Variants in PHACTR2 observed in about 807,000 individuals in gnomAD.
PHACTR2 encodes chromosome 6 open reading frame 56.
In PHACTR2, 30 loss-of-function variants were observed where a neutral mutation model predicts 76.0. That is an observed-to-expected ratio of 0.39 (90% CI 0.30 to 0.54). The LOEUF is 0.54. Among genes scored for constraint, PHACTR2 ranks in the 20% least tolerant of loss-of-function variants. The pLI, the probability that PHACTR2 is intolerant of heterozygous loss-of-function variation, is 0.61. For synonymous variants in PHACTR2, 292 were observed against 292.5 expected, an observed-to-expected ratio of 1.00 and a Z score of 0.02; for missense variants, 696 against 781.1, an observed-to-expected ratio of 0.89 and a Z score of 1.30.
upstream of PHACTR2, among the ~76,000 whole-genome samples, chr6:143,605,777 C>T (rs944150645): frequency 3.3e-5 from 5 of 152,142 alleles, no homozygotes; most frequent in South Asian, 1.0e-3. This position sits in a 1 kb window ranked among gnomAD's most constrained non-coding sequence, Gnocchi z 5.0. Flanking sequence ...TTCCTAAATA[C>T]CTAGGGGAAT....
At chr6:143,703,003 A>G (rs1777950959) in intron 1 of PHACTR2, among the ~76,000 whole-genome samples, 1 of 151,646 alleles carries the variant, frequency 6.6e-6, no homozygotes, top group Non-Finnish European at 1.5e-5. Context: ...CCACTAAGTT[A>G]AAGTTCAAGA....
rs868285756 is a variant in PHACTR2, at chr6:143,583,355, G to A, written c.217+46148G>A. Among the ~76,000 whole-genome samples the A allele has an allele frequency of 6.6e-5, 10 of 152,192 alleles. No homozygotes were observed. Among genetic ancestry groups the A allele is most frequent in the East Asian group, 1.9e-4 (1 of 5,200 alleles). ...AGTCCTCAGATTGTTGCCCAGAACC[G>A]TTTACAATGACAATATGATCCCTTT... On this transcript the variant is annotated intron_variant, in intron 1 of 11. Transcript: ENST00000367584. This position sits in a 1 kb window ranked among gnomAD's most constrained non-coding sequence, Gnocchi z 4.0.
In PHACTR2 at chr6:143,648,890, T is replaced by TTGTG. The variant is rs66791386; in HGVS notation, c.13+40582_13+40585dup. 6.7e-6 allele frequency among the ~76,000 whole-genome samples: 1 copy of TTGTG among 150,170 alleles called. No homozygotes were observed. Among genetic ancestry groups the TTGTG allele is most frequent in the South Asian group, 2.1e-4 (1 of 4,740 alleles). On this transcript the variant is annotated intron_variant, in intron 1 of 11. Coordinates refer to the PHACTR2 transcript ENST00000305766. The surrounding 1 kb of genome is among the most constrained non-coding windows in gnomAD (Gnocchi z 6.7). The stretch of plus-strand genomic sequence containing the variant: ...TCTATGCATATGTGTCTATGTATGT[T>TTGTG]TGTGTGTGTGTGTGTGTCTGTCTGG...
intron 1 of PHACTR2, among the ~76,000 whole-genome samples, chr6:143,707,632 A>C (rs59286106): frequency 0.046 from 7,049 of 152,300 alleles, 497 homozygotes; most frequent in African/African-American, 0.16. Flanking sequence ...AAACTCTATT[A>C]GGTAGAATCA....
intron 1 of PHACTR2, among the ~76,000 whole-genome samples, chr6:143,692,693 C>A (rs776767306): frequency 6.6e-6 from 1 of 152,158 alleles, no homozygotes; most frequent in Non-Finnish European, 1.5e-5. Flanking sequence ...ATAGCAAAAT[C>A]CTTCAAAGAA....
At chr6:143,668,135 T>A (rs1269899996) in intron 1 of PHACTR2, among the ~76,000 whole-genome samples, 14 of 152,238 alleles carry the variant, frequency 9.2e-5, no homozygotes, top group Non-Finnish European at 2.9e-5. Context: ...GAGATAATCA[T>A]GTGTTTTTTG....
In PHACTR2 at chr6:143,761,576, A is replaced by G. The variant is rs530456190; in HGVS notation, c.694+936A>G. 5.3e-5 allele frequency among the ~76,000 whole-genome samples: 8 copies of G among 152,240 alleles called. No homozygotes were observed. The East Asian group carries it at 1.5e-3, about 29-fold the overall frequency. On this transcript the variant is annotated intron_variant, in intron 5 of 12. Coordinates refer to ENST00000440869, the MANE Select transcript of PHACTR2 (RefSeq NM_001100164.2). This position sits in a 1 kb window ranked among gnomAD's most constrained non-coding sequence, Gnocchi z 5.2. Reference sequence around the variant, plus strand: ...CGAGACCAACCTGGTCAACATGGTGAAACCCTGTCTCTGCTAAAAATACAA... The same window carrying G: ...CGAGACCAACCTGGTCAACATGGTGGAACCCTGTCTCTGCTAAAAATACAA...
At chr6:143,676,861 G>GA (rs921171607), upstream of PHACTR2, among the ~76,000 whole-genome samples, 5 of 151,940 alleles carry the variant, frequency 3.3e-5, no homozygotes, top group Non-Finnish European at 7.4e-5. This position sits in a 1 kb window ranked among gnomAD's most constrained non-coding sequence, Gnocchi z 4.8. Context: ...ATTTGGGTGT[G>GA]AAAAAACATA....
intron 7 of PHACTR2, among the ~76,000 whole-genome samples, chr6:143,773,549 T>C (rs957475356): frequency 3.3e-5 from 5 of 150,886 alleles, no homozygotes; most frequent in African/African-American, 1.2e-4. Flanking sequence ...AAAAAAACCA[T>C]TATCATCCAT....
At chr6:143,762,760 A>G (rs1779470390) in intron 5 of PHACTR2, among the ~76,000 whole-genome samples, 1 of 152,172 alleles carries the variant, frequency 6.6e-6, no homozygotes, top group Non-Finnish European at 1.5e-5. Context: ...CTACCTAGGT[A>G]TCGGTTTTAG....
intron 2 of PHACTR2, among the ~76,000 whole-genome samples, chr6:143,719,187 A>T (rs962885419): frequency 2.0e-4 from 29 of 148,684 alleles, no homozygotes; most frequent in African/African-American, 6.9e-4. Flanking sequence ...CTGGCCTAGA[A>T]GTGCTTTTAT....
rs58341062 is a variant in PHACTR2 at position 143,610,761 on chromosome 6, A to G, written c.13+2439A>G. Among the ~76,000 whole-genome samples, 7,479 of 152,256 alleles carry G rather than the reference A, an allele frequency of 0.049. 575 individuals are homozygous for G. Among genetic ancestry groups the G allele is most frequent in the African/African-American group, 0.17 (6,956 of 41,510 alleles). Reference sequence around the variant, plus strand: ...AAAGAGCTGACATTCCTACTATCTCAGAGAAGGAGACATCCCTTCCCCATA... The same window carrying G: ...AAAGAGCTGACATTCCTACTATCTCGGAGAAGGAGACATCCCTTCCCCATA... On this transcript the variant is annotated intron_variant, in intron 1 of 11. Transcript: ENST00000305766. The surrounding 1 kb of genome is among the most constrained non-coding windows in gnomAD (Gnocchi z 4.9).
Position 143,723,349 on chromosome 6 carries a change from A to T in PHACTR2, c.214+11166A>T, listed in dbSNP as rs148119800. On this transcript the variant is annotated intron_variant, in intron 2 of 12. Coordinates refer to ENST00000440869, the MANE Select transcript of PHACTR2 (RefSeq NM_001100164.2). Reference sequence around the variant, plus strand: ...GAGGAAGACAATTATTCTTATTTTTAAAAATCAGTAGAGGAGGGTTTGAGG... The same window carrying T: ...GAGGAAGACAATTATTCTTATTTTTTAAAATCAGTAGAGGAGGGTTTGAGG... 1.6e-3 allele frequency among the ~76,000 whole-genome samples: 250 copies of T among 152,258 alleles called. 1 individual carries two copies. The highest frequency in any genetic ancestry group is 5.6e-3 in the African/African-American group (234 of 41,520).
intron 10 of PHACTR2, among the ~76,000 whole-genome samples, chr6:143,788,255 A>G (rs928954313): frequency 2.0e-5 from 3 of 152,108 alleles, no homozygotes; most frequent in Non-Finnish European, 4.4e-5. Flanking sequence ...CTTATTATGA[A>G]TATCTTAAGG....
At chr6:143,586,171 A>G (rs1358678575) in intron 1 of PHACTR2, among the ~76,000 whole-genome samples, 1 of 152,082 alleles carries the variant, frequency 6.6e-6, no homozygotes, top group Non-Finnish European at 1.5e-5. Context: ...TAATTATTCT[A>G]AATGTTAAAT....
chr6:143,817,379 G>A (rs1776322700), intron 12 of PHACTR2, among the ~76,000 whole-genome samples: 1 of 152,206 alleles, frequency 6.6e-6, no homozygotes, highest in African/African-American at 2.4e-5. Context: ...AGCTCATGGT[G>A]TGAGGGTCCT....
rs1775593720 is a variant in PHACTR2 at position 143,583,196 on chromosome 6, A to G, written c.217+45989A>G. 6.6e-6 allele frequency among the ~76,000 whole-genome samples: 1 copy of G among 152,226 alleles called. No individual in the cohort carries two copies. The highest frequency in any genetic ancestry group is 1.5e-5 in the Non-Finnish European group (1 of 68,036). ...TGAATTCACCATGGCCACGGTAGTG[A>G]TAAAGAGCATTCCTCCACAATCCGT... On this transcript the variant is annotated intron_variant, in intron 1 of 11. Transcript: ENST00000367584. This position sits in a 1 kb window ranked among gnomAD's most constrained non-coding sequence, Gnocchi z 4.0.
Position 143,827,155 on chromosome 6 carries a change from A to AAAAAAAT in PHACTR2, c.*3467_*3468insAAAAATA, listed in dbSNP as rs1254251707. ...GGGCTGCGTTGGCATTAAAAAAGAA[A>AAAAAAAT]ATATATATATATATATATATATATA... On this transcript the variant is annotated 3_prime_UTR_variant, in exon 13 of 13. Coordinates refer to ENST00000440869, the MANE Select transcript of PHACTR2 (RefSeq NM_001100164.2). 1 of 77,232 alleles carries AAAAAAAT rather than the reference A, an allele frequency of 1.3e-5. No individual in the cohort carries two copies. The highest frequency in any genetic ancestry group is 5.0e-5 in the African/African-American group (1 of 20,062). 4.8% of individuals were successfully genotyped at this position (77,232 alleles called of 1,614,324 possible).
At chr6:143,704,797 C>A (rs560953072) in intron 1 of PHACTR2, among the ~76,000 whole-genome samples, 244 of 152,156 alleles carry the variant, frequency 1.6e-3, no homozygotes, top group African/African-American at 5.2e-3. Flanking sequence ...GTTTCTCAGA[C>A]CTTCCTTGTT....
Sources: gnomAD v4.1 joint callset for allele counts (sites outside exome capture counted in the v4.1 genomes callset) on GRCh38, gnomAD v4.1.1 for gene constraint, Gnocchi (gnomAD v3.1) non-coding constraint, MANE v1.5 for transcripts, NCBI Gene and HGNC (gene_info 2026-07-23, HGNC 2026-07-21) for gene names.